SHE: variants seen among roughly 807,000 people sequenced by gnomAD.
SHE encodes the protein Src homology 2 domain containing E, also known as SH2 domain-containing adapter protein E.
In SHE, 11 loss-of-function variants were observed where a neutral mutation model predicts 49.8. That is an observed-to-expected ratio of 0.22 (90% CI 0.14 to 0.37). The LOEUF (loss-of-function observed/expected upper bound fraction) is 0.37, where lower values mean the gene tolerates loss of function less well. Among genes scored for constraint, SHE ranks in the 10% least tolerant of loss-of-function variants. SHE has a pLI of 1.00. For synonymous variants in SHE, 310 were observed against 278.1 expected (o/e 1.11, Z -1.14); for missense variants, 624 against 655.5 (o/e 0.95, Z 0.52).
At chr1:154,486,137 A>C in intron 4 of SHE, 75 bp from the exon 5 acceptor site, 2 of 1,571,512 alleles carry the variant, frequency 1.3e-6, no homozygotes, top group Non-Finnish European at 8.7e-7. Context: ...ATTGCTCCAT[A>C]AAGCGTTGTT....
chr1:154,480,211 T>C lies in SHE; in HGVS notation c.*3938A>G, dbSNP rs1473436497. ...TAGTTATGGAAAAATAGGAGACAAC[T>C]AGTGAACGAGAGATCTGTGAAGGGT... On this transcript the variant is annotated 3_prime_UTR_variant, in exon 6 of 6. Coordinates refer to ENST00000304760, the MANE Select transcript of SHE (RefSeq NM_001010846.3). 6.1e-6 allele frequency: 6 copies of C among 985,264 alleles called. No homozygotes were observed. In the South Asian group the frequency reaches 1.4e-4, roughly 23 times the overall value. 61.0% of individuals were successfully genotyped at this position (985,264 alleles called of 1,614,324 possible).
intron 2 of SHE, among the ~76,000 whole-genome samples, chr1:154,489,949 C>A (rs764393563): frequency 1.3e-5 from 2 of 152,206 alleles, no homozygotes; most frequent in African/African-American, 2.4e-5. Flanking sequence ...CTACTGAATG[C>A]TCAAAGTAAA....
In SHE at chr1:154,501,790, G is replaced by C; in HGVS notation, c.237C>G (p.Gly79=). ...SEAGGAGPGP[G]KGRKNSAAEL... ...CGGCCGCCGAGTTCTTGCGGCCCTT[G>C]CCAGGACCCGGCCCAGCGCCGCCCG... The change falls in exon 1 of 6, where the codon GGC becomes GGG. Residue 79 remains glycine, a synonymous_variant. Transcript: ENST00000304760. 1 of 1,559,084 alleles carries C rather than the reference G, an allele frequency of 6.4e-7. No individual in the cohort carries two copies. The highest frequency in any genetic ancestry group is 8.6e-7 in the Non-Finnish European group (1 of 1,159,664).
rs1692083011 is a variant in SHE, at chr1:154,483,673, A to T, written c.*476T>A. 1 of 987,642 alleles carries T rather than the reference A, an allele frequency of 1.0e-6. No homozygotes were observed. Among genetic ancestry groups the T allele is most frequent in the Non-Finnish European group, 1.2e-6 (1 of 831,394 alleles). 61.2% of individuals were successfully genotyped at this position (987,642 alleles called of 1,614,324 possible). ...CAAGGAAACAAGGGACAGGCCACAA[A>T]CAAAGTGTCATGGAATCACTTTAAG... On this transcript the variant is annotated 3_prime_UTR_variant, in exon 6 of 6. Transcript: ENST00000304760.
downstream of SHE, among the ~76,000 whole-genome samples, chr1:154,477,719 C>T (rs576709865): frequency 3.3e-5 from 5 of 151,950 alleles, no homozygotes; most frequent in African/African-American, 9.6e-5. Flanking sequence ...GGTGAAACCC[C>T]GTTTCTACTA....
intron 2 of SHE, among the ~76,000 whole-genome samples, chr1:154,494,203 T>C (rs1692454611): frequency 6.6e-6 from 1 of 152,198 alleles, no homozygotes; most frequent in Admixed American, 6.5e-5. Context: ...ATTACTTTAA[T>C]ATTTTCTTAT....
intron 5 of SHE, 158 bp from the exon 6 acceptor site, chr1:154,484,493 C>CT (rs898079264): frequency 3.2e-6 from 2 of 616,862 alleles, no homozygotes; most frequent in African/African-American, 3.7e-5. Flanking sequence ...TAGTGGTACT[C>CT]TCAGAAATTT....
At chr1:154,485,902 C>T (rs369894362) in intron 5 of SHE, 41 bp downstream of exon 5, 151 of 1,600,280 alleles carry the variant, frequency 9.4e-5, no homozygotes, top group Non-Finnish European at 1.6e-5. Context: ...ACACAGTGTT[C>T]CTTCCCCTTG....
chr1:154,494,085 AACATTAAACTTGGAGCCTCTTAAG>A (rs1363454958), intron 2 of SHE, among the ~76,000 whole-genome samples: 7 of 152,216 alleles, frequency 4.6e-5, no homozygotes, highest in Non-Finnish European at 8.8e-5. Context: ...ATGTTTCCAA[AACATTAAACTTGGAGCCTCTTAAG>A]ACTCTATTTT....
Position 154,481,339 on chromosome 1 carries a change from C to A in SHE, c.*2810G>T, listed in dbSNP as rs1692014110. The A allele has an allele frequency of 5.1e-6, 5 of 985,322 alleles. No individual in the cohort carries two copies. Among genetic ancestry groups the A allele is most frequent in the Middle Eastern group, 5.2e-4 (1 of 1,936 alleles). 61.0% of individuals were successfully genotyped at this position (985,322 alleles called of 1,614,324 possible). A position where few individuals can be genotyped will look rare whatever the true frequency, so the allele number is the denominator to read the frequency against. ...TAATTTACTATATTTCTTCTTATAA[C>A]CTCCTGTACAACTGTAAAGCAACTG... On this transcript the variant is annotated 3_prime_UTR_variant, in exon 6 of 6. Coordinates refer to ENST00000304760, the MANE Select transcript of SHE (RefSeq NM_001010846.3).
chr1:154,475,869 G>T (rs1325312133), downstream of SHE, among the ~76,000 whole-genome samples: 1 of 151,880 alleles, frequency 6.6e-6, no homozygotes, highest in Non-Finnish European at 1.5e-5. Context: ...TCCACCTCCC[G>T]GTTGGAGGTG....
At chr1:154,486,425 A>G (rs1692184367) in intron 4 of SHE, 102 bp downstream of exon 4, 11 of 1,477,646 alleles carry the variant, frequency 7.4e-6, no homozygotes, top group South Asian at 1.3e-5. Flanking sequence ...GCAAGTGTTC[A>G]TTAACAAAAA....
intron 5 of SHE, 108 bp from the exon 6 acceptor site, chr1:154,484,443 C>T (rs963915040): frequency 1.4e-5 from 13 of 898,978 alleles, no homozygotes; most frequent in Non-Finnish European, 1.9e-5. Context: ...CTCATCCATC[C>T]CGTAATGGTT....
At chr1:154,488,715 T>C (rs1269682143) in intron 3 of SHE, among the ~76,000 whole-genome samples, 1 of 152,122 alleles carries the variant, frequency 6.6e-6, no homozygotes, top group Non-Finnish European at 1.5e-5. Flanking sequence ...GGCTGCCCAC[T>C]AGCTGGGATT....
At chr1:154,496,426 A>G (rs1275011428) in intron 2 of SHE, among the ~76,000 whole-genome samples, 1 of 152,234 alleles carries the variant, frequency 6.6e-6, no homozygotes, top group Non-Finnish European at 1.5e-5. Context: ...AATGCTAGCG[A>G]TTATTATTAC....
chr1:154,489,119 T>G lies in SHE; in HGVS notation c.956A>C (p.Glu319Ala). Residue 319 changes from glutamate to alanine, a missense_variant, in exon 3 of 6, where the codon GAG (glutamate) becomes GCG (alanine). Physicochemically the swap from Glu to Ala is moderately radical, Grantham distance 107. This residue lies in a region of SHE where 155 missense variants were observed against 142.0 expected (regional missense o/e 1.09). Coordinates refer to ENST00000304760, the MANE Select transcript of SHE (RefSeq NM_001010846.3). Reference protein sequence around the residue: ...PPDSRLPENDERPAAEYEQPW... With the variant: ...PPDSRLPENDARPAAEYEQPW... ...CTGCTCGTACTCTGCCGCGGGCCTC[T>G]CGTCGTTCTCGGGCAGCCGGCTGTC... The G allele has an allele frequency of 1.2e-6, 2 of 1,613,522 alleles. No homozygotes were observed. Among genetic ancestry groups the G allele is most frequent in the South Asian group, 2.2e-5 (2 of 91,050 alleles).
intron 1 of SHE, among the ~76,000 whole-genome samples, chr1:154,473,478 G>C (rs116390919): frequency 0.016 from 2,390 of 151,662 alleles, 57 homozygotes; most frequent in African/African-American, 0.054. Flanking sequence ...CTGTGTGTTG[G>C]GGGGACAGGG....
Position 154,483,563 on chromosome 1 carries a change from T to C in SHE, c.*586A>G. ...TCCTGAACTCCTGACTTAACCTTCCTGAGGGTCACACCATAAAAAGAACAC... is the reference window on the plus strand; with the variant it reads ...TCCTGAACTCCTGACTTAACCTTCCCGAGGGTCACACCATAAAAAGAACAC... On this transcript the variant is annotated 3_prime_UTR_variant, in exon 6 of 6. Coordinates refer to ENST00000304760, the MANE Select transcript of SHE (RefSeq NM_001010846.3). 1.0e-6 allele frequency: 1 copy of C among 985,522 alleles called. No homozygotes were observed. Among genetic ancestry groups the C allele is most frequent in the South Asian group, 4.7e-5 (1 of 21,292 alleles). 61.0% of individuals were successfully genotyped at this position (985,522 alleles called of 1,614,324 possible). A position where few individuals can be genotyped will look rare whatever the true frequency, so the allele number is the denominator to read the frequency against.
At chr1:154,473,578 G>A (rs1244628340) in intron 1 of SHE, among the ~76,000 whole-genome samples, 1 of 152,068 alleles carries the variant, frequency 6.6e-6, no homozygotes, top group East Asian at 1.9e-4. Context: ...TGAAGTGGAT[G>A]GATTGCTTGA....
Sources: allele counts gnomAD v4.1 joint callset (sites outside exome capture counted in the v4.1 genomes callset), GRCh38; gene constraint gnomAD v4.1.1; regional missense constraint gnomAD v4.1.1; transcripts MANE v1.5; gene names NCBI Gene and HGNC (gene_info 2026-07-23, HGNC 2026-07-21).